GALNTL6: variants seen among roughly 807,000 people sequenced by gnomAD.
GALNTL6 encodes the protein polypeptide N-acetylgalactosaminyltransferase-like 6.
A neutral mutation model predicts 73.7 loss-of-function variants in GALNTL6; 46 were observed. The ratio of observed to expected loss-of-function variants is 0.62; its 90% CI spans 0.49 to 0.80. The LOEUF (loss-of-function observed/expected upper bound fraction) is 0.80, where lower values mean the gene tolerates loss of function less well. GALNTL6 is among the 30% of genes least tolerant of loss of function. GALNTL6 has a pLI of 0.00. For missense variants in GALNTL6, 604 were observed against 755.0 expected (o/e 0.80, Z 2.34); for synonymous variants, 259 against 263.7 (o/e 0.98, Z 0.17).
intron 5 of GALNTL6, among the ~76,000 whole-genome samples, chr4:172,702,266 A>G (rs2111294483): frequency 6.6e-6 from 1 of 152,124 alleles, no homozygotes; most frequent in South Asian, 2.1e-4. Context: ...CTGGAATTTT[A>G]TTTTGTTTAT....
At chr4:172,301,014 T>C (rs911538378) in intron 3 of GALNTL6, among the ~76,000 whole-genome samples, 2 of 152,252 alleles carry the variant, frequency 1.3e-5, no homozygotes, top group Admixed American at 6.5e-5. Context: ...CAATCAGACG[T>C]AGATTTGGTC....
chr4:172,621,566 T>G (rs1738958668), intron 5 of GALNTL6, among the ~76,000 whole-genome samples: 2 of 152,260 alleles, frequency 1.3e-5, no homozygotes, highest in Admixed American at 6.5e-5. Context: ...TTATTTTGTT[T>G]ATTCCTCTAA....
Position 172,233,336 on chromosome 4 carries a change from G to A in GALNTL6, c.247+3572G>A, listed in dbSNP as rs1737137960. ...GCAGTGAGCTATCCAGCCTGGGCTGGAGACTCTGTCTCTAAATAAATAAAT... is the reference window on the plus strand; with the variant it reads ...GCAGTGAGCTATCCAGCCTGGGCTGAAGACTCTGTCTCTAAATAAATAAAT... On this transcript the variant is annotated intron_variant, in intron 3 of 12. Transcript: ENST00000506823. Among the ~76,000 whole-genome samples the A allele has an allele frequency of 6.8e-5, 10 of 147,568 alleles. 1 individual carries two copies. The South Asian group carries it at 2.2e-3, about 33-fold the overall frequency.
At chr4:172,346,466 C>A (rs1741743358) in intron 4 of GALNTL6, among the ~76,000 whole-genome samples, 2 of 152,174 alleles carry the variant, frequency 1.3e-5, no homozygotes, top group Non-Finnish European at 2.9e-5. Flanking sequence ...CGTGTGAATT[C>A]TCTTTCTACA....
chr4:172,260,650 AGTG>A (rs992694610), intron 3 of GALNTL6, among the ~76,000 whole-genome samples: 62 of 151,608 alleles, frequency 4.1e-4, no homozygotes, highest in Non-Finnish European at 1.9e-4. Context: ...GTTGAATAGA[AGTG>A]GTGAAAGTGG....
At chr4:172,525,359 T>C (rs1734915710) in intron 5 of GALNTL6, among the ~76,000 whole-genome samples, 1 of 152,234 alleles carries the variant, frequency 6.6e-6, no homozygotes, top group South Asian at 2.1e-4. Context: ...GGTATTCCTC[T>C]ATGCTTATAT....
intron 3 of GALNTL6, among the ~76,000 whole-genome samples, chr4:172,281,240 A>G (rs1323069191): frequency 2.0e-5 from 3 of 152,186 alleles, no homozygotes. Context: ...AAAATGGATC[A>G]GCAGCGCTGC....
chr4:172,272,696 ACC>A (rs1391212382), intron 3 of GALNTL6, among the ~76,000 whole-genome samples: 1 of 152,156 alleles, frequency 6.6e-6, no homozygotes, highest in East Asian at 1.9e-4. Context: ...AGAAAATTAT[ACC>A]TATAAACTTT....
chr4:172,968,049 CAG>C (rs1391596399), intron 10 of GALNTL6, among the ~76,000 whole-genome samples: 2 of 152,070 alleles, frequency 1.3e-5, no homozygotes, highest in African/African-American at 4.8e-5. Context: ...CAAGACCAGA[CAG>C]AACATTGAGG....
chr4:172,694,469 A>G (rs867488188), intron 5 of GALNTL6, among the ~76,000 whole-genome samples: 2 of 152,222 alleles, frequency 1.3e-5, no homozygotes, highest in Non-Finnish European at 1.5e-5. Flanking sequence ...TGCAAAGGAC[A>G]TGAACTCATT....
At chr4:172,325,328 T>G (rs1012101782) in intron 4 of GALNTL6, among the ~76,000 whole-genome samples, 3 of 151,986 alleles carry the variant, frequency 2.0e-5, no homozygotes, top group Non-Finnish European at 2.9e-5. Flanking sequence ...ACATTAAATT[T>G]GTAATTAAAA....
Position 172,086,607 on chromosome 4 carries a change from T to G in GALNTL6, c.139-143049T>G, listed in dbSNP as rs114327876. 3.9e-3 allele frequency among the ~76,000 whole-genome samples: 589 copies of G among 152,288 alleles called. 3 individuals are homozygous for G. Among genetic ancestry groups the G allele is most frequent in the African/African-American group, 0.013 (553 of 41,574 alleles). The stretch of plus-strand genomic sequence containing the variant: ...AGATTAACTGGCGAGTCATGATTTA[T>G]ACCTCAATAGTAACCCACAGAAGTA... On this transcript the variant is annotated intron_variant, in intron 2 of 12. Transcript: ENST00000506823.
At chr4:172,325,440 C>T (rs983111504) in intron 4 of GALNTL6, among the ~76,000 whole-genome samples, 3 of 151,828 alleles carry the variant, frequency 2.0e-5, no homozygotes, top group Admixed American at 1.3e-4. Flanking sequence ...GTTGTGGCCC[C>T]GCTGATTGAA....
At chr4:172,028,968 T>C (rs1741679983) in intron 2 of GALNTL6, among the ~76,000 whole-genome samples, 1 of 152,060 alleles carries the variant, frequency 6.6e-6, no homozygotes. Context: ...AAAGAAAATG[T>C]CTAAGAAATG....
intron 5 of GALNTL6, among the ~76,000 whole-genome samples, chr4:172,741,132 T>C (rs1040953116): frequency 6.6e-6 from 1 of 152,036 alleles, no homozygotes; most frequent in African/African-American, 2.4e-5. Context: ...ACCCAGATAA[T>C]GGCTGCAAGA....
intron 5 of GALNTL6, among the ~76,000 whole-genome samples, chr4:172,401,404 C>G (rs767460603): frequency 6.6e-6 from 1 of 152,074 alleles, no homozygotes; most frequent in Non-Finnish European, 1.5e-5. Context: ...ATACTCTACA[C>G]GACATCTAAA....
intron 5 of GALNTL6, chr4:172,380,156 A>C (rs1302232563): frequency 1.9e-6 from 2 of 1,047,104 alleles, no homozygotes; most frequent in Non-Finnish European, 3.0e-6. Context: ...AGCACTTAAC[A>C]AGGCCTGGAT....
At chr4:172,374,694 C>T (rs1742961244) in intron 5 of GALNTL6, among the ~76,000 whole-genome samples, 1 of 152,142 alleles carries the variant, frequency 6.6e-6, no homozygotes. Flanking sequence ...GCTTGTTGAC[C>T]AGTAGAGAAT....
intron 7 of GALNTL6, among the ~76,000 whole-genome samples, chr4:172,858,925 A>C (rs1744250422): frequency 6.6e-6 from 1 of 152,068 alleles, no homozygotes; most frequent in Non-Finnish European, 1.5e-5. Context: ...AGATGAACAA[A>C]CCCATCTCCA....
Sources: gnomAD v4.1 joint callset for allele counts (sites outside exome capture counted in the v4.1 genomes callset) on GRCh38, gnomAD v4.1.1 for gene constraint, MANE v1.5 for transcripts, NCBI Gene and HGNC (gene_info 2026-07-23, HGNC 2026-07-21) for gene names.